The following DDAH1 variants were observed in gnomAD, a reference collection of about 807,000 sequenced individuals.
DDAH1 encodes the protein N(G),N(G)-dimethylarginine dimethylaminohydrolase 1.
DDAH1 carries 19 observed loss-of-function variants against 28.8 expected under a neutral mutation model. The observed-to-expected ratio is 0.66, with a 90% CI of 0.46 to 0.97. DDAH1 has a LOEUF of 0.97. Among genes scored for constraint, DDAH1 ranks in the 50% least tolerant of loss-of-function variants. The pLI is 0.00. For missense variants in DDAH1, 326 were observed against 375.9 expected (o/e 0.87, Z 1.10); for synonymous variants, 153 against 154.4 (o/e 0.99, Z 0.07).
At chr1:85,462,649 GGCGGTGAGCTGGT>G (rs1397410366) in intron 1 of DDAH1, among the ~76,000 whole-genome samples, 1 of 152,146 alleles carries the variant, frequency 6.6e-6, no homozygotes, top group Non-Finnish European at 1.5e-5. Context: ...CACCTACCAA[GGCGGTGAGCTGGT>G]GCCGTGAGAG....
intron 1 of DDAH1, among the ~76,000 whole-genome samples, chr1:85,377,423 C>T (rs1406942663): frequency 1.3e-5 from 2 of 152,074 alleles, no homozygotes; most frequent in Non-Finnish European, 1.5e-5. Context: ...TTCATCATTT[C>T]ATGGCATCAA....
intron 2 of DDAH1, among the ~76,000 whole-genome samples, chr1:85,486,363 G>A (rs1570599626): frequency 6.6e-6 from 1 of 152,168 alleles, no homozygotes; most frequent in African/African-American, 2.4e-5. Flanking sequence ...AAAAGTGAAA[G>A]CCTTCCAAAA....
intron 4 of DDAH1, among the ~76,000 whole-genome samples, chr1:85,341,943 G>C (rs1260738797): frequency 6.6e-6 from 1 of 152,134 alleles, no homozygotes; most frequent in African/African-American, 2.4e-5. Context: ...CTTACCACTA[G>C]TGCTTTATAA....
intron 1 of DDAH1, among the ~76,000 whole-genome samples, chr1:85,574,472 G>C (rs1013921997): frequency 2.0e-5 from 3 of 152,150 alleles, no homozygotes; most frequent in Non-Finnish European, 4.4e-5. Context: ...CCCAGTCAAG[G>C]CCTTGTTCCC....
At chr1:85,400,173 TTTTC>T (rs1557582030) in intron 1 of DDAH1, among the ~76,000 whole-genome samples, 11 of 20,616 alleles carry the variant, frequency 5.3e-4, no homozygotes, top group African/African-American at 1.5e-3. Context: ...CTTTCTTTTC[TTTTC>T]TTTTTTTTTT....
intron 1 of DDAH1, among the ~76,000 whole-genome samples, chr1:85,394,691 C>T (rs10873701): frequency 0.82 from 124,485 of 152,168 alleles, 51,070 homozygotes; most frequent in Middle Eastern, 0.9. Flanking sequence ...AGATAGTGGC[C>T]AGCTTTGTTT....
At chr1:85,351,649 AAAT>A in intron 2 of DDAH1, 70 bp from the exon 3 acceptor site, 1 of 1,153,680 alleles carries the variant, frequency 8.7e-7, no homozygotes, top group Non-Finnish European at 1.3e-6. Context: ...TTTTATCTAT[AAAT>A]AATGACCTTA....
intron 1 of DDAH1, among the ~76,000 whole-genome samples, chr1:85,417,122 CA>C (rs1246837520): frequency 6.6e-6 from 1 of 152,164 alleles, no homozygotes; most frequent in African/African-American, 2.4e-5. Context: ...ATCAAATTAT[CA>C]GGTGAAAAAA....
chr1:85,332,020 A>T (rs1412378244), intron 4 of DDAH1, among the ~76,000 whole-genome samples: 2 of 152,190 alleles, frequency 1.3e-5, no homozygotes, highest in Non-Finnish European at 2.9e-5. Context: ...TTGACTGCTG[A>T]AATCCTAGTC....
chr1:85,427,921 T>G (rs1221847234), intron 1 of DDAH1, among the ~76,000 whole-genome samples: 4 of 152,182 alleles, frequency 2.6e-5, no homozygotes, highest in African/African-American at 9.6e-5. Flanking sequence ...TCTCCTCTAA[T>G]AGTGTGGCTG....
chr1:85,516,865 G>GT (rs1249063926), intron 1 of DDAH1, among the ~76,000 whole-genome samples: 77 of 152,184 alleles, frequency 5.1e-4, no homozygotes, highest in African/African-American at 1.7e-3. Flanking sequence ...TCTGTGTTTA[G>GT]TTTTTTCTGG....
intron 5 of DDAH1, among the ~76,000 whole-genome samples, chr1:85,322,707 A>G (rs1233134396): frequency 2.6e-5 from 4 of 152,346 alleles, no homozygotes; most frequent in East Asian, 3.9e-4. Flanking sequence ...CAAGGACTGA[A>G]TAAGATAATA....
chr1:85,338,385 A>G (rs938437525), intron 4 of DDAH1, among the ~76,000 whole-genome samples: 2 of 152,172 alleles, frequency 1.3e-5, no homozygotes, highest in Non-Finnish European at 2.9e-5. Flanking sequence ...TAGGGGAGTT[A>G]TGCTTGATTT....
chr1:85,535,005 G>A (rs1237842424), intron 1 of DDAH1, among the ~76,000 whole-genome samples: 1 of 151,598 alleles, frequency 6.6e-6, no homozygotes, highest in Non-Finnish European at 1.5e-5. Context: ...GAGTGGATGT[G>A]CTTAGCAATT....
At chr1:85,330,151 G>A (rs1647673206) in intron 4 of DDAH1, among the ~76,000 whole-genome samples, 1 of 152,220 alleles carries the variant, frequency 6.6e-6, no homozygotes, top group East Asian at 1.9e-4. Context: ...AACATGCAGA[G>A]AAAGATGCAG....
chr1:85,380,708 G>A (rs974876146), intron 1 of DDAH1: 2 of 151,998 alleles, frequency 1.3e-5, no homozygotes, highest in African/African-American at 4.8e-5. Context: ...AACTTATTTG[G>A]TAGTAAAACC....
intron 1 of DDAH1, among the ~76,000 whole-genome samples, chr1:85,440,868 G>A (rs1010527473): frequency 7.2e-6 from 1 of 139,718 alleles, no homozygotes; most frequent in African/African-American, 2.6e-5. Flanking sequence ...AAGCTGGCAG[G>A]ATTCTGGTGA....
At chr1:85,456,336 T>G (rs1235710216) in intron 1 of DDAH1, among the ~76,000 whole-genome samples, 1 of 152,256 alleles carries the variant, frequency 6.6e-6, no homozygotes, top group Non-Finnish European at 1.5e-5. Flanking sequence ...AGAAATTAGT[T>G]TTGTCTTATT....
At chr1:85,504,842 C>G (rs1460885919) in intron 1 of DDAH1, among the ~76,000 whole-genome samples, 1 of 152,058 alleles carries the variant, frequency 6.6e-6, no homozygotes, top group African/African-American at 2.4e-5. Flanking sequence ...CTATCTGTGG[C>G]ACTTGTTAAA....
Sources: gnomAD v4.1 joint callset for allele counts (sites outside exome capture counted in the v4.1 genomes callset) on GRCh38, gnomAD v4.1.1 for gene constraint, MANE v1.5 for transcripts, NCBI Gene and HGNC (gene_info 2026-07-23, HGNC 2026-07-21) for gene names.